The following ST8SIA1 variants were observed in gnomAD, a reference collection of about 807,000 sequenced individuals.
ST8SIA1 encodes the protein ST8 alpha-N-acetyl-neuraminide alpha-2,8-sialyltransferase 1, also known as alpha-N-acetylneuraminide alpha-2,8-sialyltransferase.
In ST8SIA1, 16 loss-of-function variants were observed where a neutral mutation model predicts 35.9. That is an observed-to-expected ratio of 0.45 (90% CI 0.30 to 0.68). ST8SIA1 has a LOEUF of 0.68. Among genes scored for constraint, ST8SIA1 ranks in the 30% least tolerant of loss-of-function variants. The probability of loss-of-function intolerance (pLI) is 0.09; values close to 1 mark genes in which losing one functional copy is unlikely to be tolerated. For missense variants in ST8SIA1, 383 were observed against 453.6 expected (o/e 0.84, Z 1.41); for synonymous variants, 170 against 169.6 (o/e 1.00, Z -0.02).
chr12:22,283,945 A>G (rs1331167961), intron 2 of ST8SIA1, among the ~76,000 whole-genome samples: 1 of 152,248 alleles, frequency 6.6e-6, no homozygotes, highest in Admixed American at 6.5e-5. Context: ...TGTACACCGC[A>G]TTATGTGGCA....
intron 1 of ST8SIA1, among the ~76,000 whole-genome samples, chr12:22,298,848 G>C (rs565196712): frequency 1.3e-5 from 2 of 152,202 alleles, no homozygotes; most frequent in South Asian, 4.2e-4. Flanking sequence ...AAAGTGCAAA[G>C]GTATTGAGAG....
rs531667591 is a variant in ST8SIA1 at position 22,320,219 on chromosome 12, A to G, written c.236+13778T>C. Among the ~76,000 whole-genome samples the G allele has an allele frequency of 2.6e-5, 4 of 152,330 alleles. No individual in the cohort carries two copies. In the East Asian group the frequency reaches 7.7e-4, roughly 29 times the overall value. On this transcript the variant is annotated intron_variant, in intron 1 of 4. Transcript: ENST00000396037. ...GAACTTAGCTGGTGTACAATAACTAAGCTTCATGAAGGTTCAAAGACTTAT... is the reference window on the plus strand; with the variant it reads ...GAACTTAGCTGGTGTACAATAACTAGGCTTCATGAAGGTTCAAAGACTTAT...
chr12:22,301,585 CAATAAG>C (rs1388371008), intron 1 of ST8SIA1, among the ~76,000 whole-genome samples: 1 of 152,106 alleles, frequency 6.6e-6, no homozygotes, highest in African/African-American at 2.4e-5. Context: ...TGCATAAGTT[CAATAAG>C]AATATGTTTT....
chr12:22,210,549 C>T (rs1157162679), intron 4 of ST8SIA1, among the ~76,000 whole-genome samples: 1 of 152,092 alleles, frequency 6.6e-6, no homozygotes, highest in Non-Finnish European at 1.5e-5. Context: ...CTAGAGATAG[C>T]GTCAGACCCC....
chr12:22,302,066 A>C (rs529171224), intron 1 of ST8SIA1, among the ~76,000 whole-genome samples: 4 of 152,330 alleles, frequency 2.6e-5, no homozygotes, highest in African/African-American at 9.6e-5. Context: ...CTTTAGTAAA[A>C]ATAGGAAACT....
At chr12:22,324,225 T>A (rs1866643120) in intron 1 of ST8SIA1, among the ~76,000 whole-genome samples, 1 of 152,174 alleles carries the variant, frequency 6.6e-6, no homozygotes, top group African/African-American at 2.4e-5. Context: ...ATGGAAGAAA[T>A]GCTTGTAGTA....
chr12:22,208,813 A>G (rs1366257593), intron 4 of ST8SIA1, among the ~76,000 whole-genome samples: 2 of 152,194 alleles, frequency 1.3e-5, no homozygotes. Context: ...TGAGTCTAAA[A>G]ATGTACCTAA....
chr12:22,320,485 G>A (rs555248339), intron 1 of ST8SIA1, among the ~76,000 whole-genome samples: 2 of 152,300 alleles, frequency 1.3e-5, no homozygotes, highest in East Asian at 1.9e-4. Flanking sequence ...ACGGAGAGGG[G>A]AGACAAGGGC....
At chr12:22,269,712 T>C (rs1004622835) in intron 2 of ST8SIA1, among the ~76,000 whole-genome samples, 2 of 152,218 alleles carry the variant, frequency 1.3e-5, no homozygotes, top group Non-Finnish European at 2.9e-5. Context: ...TATTCTCTTC[T>C]TTTATATGGA....
At position 22,321,955 on chromosome 12, in the gene ST8SIA1, T is replaced by C. The variant is rs16924898; in HGVS notation, c.236+12042A>G. Among the ~76,000 whole-genome samples, 832 of 152,342 alleles carry C rather than the reference T, an allele frequency of 5.5e-3. 27 individuals are homozygous for C. The East Asian group carries it at 0.1, about 19-fold the overall frequency. ...TCTGTCTCTTTGATTCTACCAGTAATTGAGCTTTGTGTTTCCCCATGGGCT... is the reference window on the plus strand; with the variant it reads ...TCTGTCTCTTTGATTCTACCAGTAACTGAGCTTTGTGTTTCCCCATGGGCT... On this transcript the variant is annotated intron_variant, in intron 1 of 4. Transcript: ENST00000396037.
rs964942471 is a variant in ST8SIA1 at position 22,298,494 on chromosome 12, T to C, written c.237-11201A>G. Among the ~76,000 whole-genome samples, 165 of 152,302 alleles carry C rather than the reference T, an allele frequency of 1.1e-3. 1 individual carries two copies. Among genetic ancestry groups the C allele is most frequent in the African/African-American group, 3.7e-3 (154 of 41,576 alleles). ...ATTGGTAGGGAGAAATCCCCACACA[T>C]TTGGTCACAGAAGTCTGTGTTGATT... On this transcript the variant is annotated intron_variant, in intron 1 of 4. Coordinates refer to ENST00000396037, the MANE Select transcript of ST8SIA1 (RefSeq NM_003034.4).
intron 4 of ST8SIA1, among the ~76,000 whole-genome samples, chr12:22,209,184 C>T (rs1424172837): frequency 2.0e-5 from 3 of 151,988 alleles, no homozygotes; most frequent in South Asian, 4.2e-4. Context: ...ATATTTACAA[C>T]ATACATGACA....
intron 2 of ST8SIA1, among the ~76,000 whole-genome samples, chr12:22,283,510 A>T (rs1866060948): frequency 6.6e-6 from 1 of 152,176 alleles, no homozygotes; most frequent in Non-Finnish European, 1.5e-5. Context: ...AGCTATTCTC[A>T]AAGTGGGAAG....
In ST8SIA1 at chr12:22,274,615, C is replaced by T. The variant is rs367727630; in HGVS notation, c.381+12534G>A. Reference sequence around the variant, plus strand: ...ATTGTGGCTTGACTTTTAAAATGTACGATCTTGTTATTTCAAGATTAGGAT... The same window carrying T: ...ATTGTGGCTTGACTTTTAAAATGTATGATCTTGTTATTTCAAGATTAGGAT... On this transcript the variant is annotated intron_variant, in intron 2 of 4. Coordinates refer to ENST00000396037, the MANE Select transcript of ST8SIA1 (RefSeq NM_003034.4). Among the ~76,000 whole-genome samples the T allele has an allele frequency of 1.5e-4, 23 of 152,222 alleles. No homozygotes were observed. The East Asian group carries it at 3.7e-3, about 24-fold the overall frequency.
At chr12:22,216,683 T>A (rs893843186) in intron 4 of ST8SIA1, among the ~76,000 whole-genome samples, 1 of 152,230 alleles carries the variant, frequency 6.6e-6, no homozygotes. Flanking sequence ...AAGACTAATG[T>A]CCTTTATCTT....
At chr12:22,235,677 T>C (rs1394493610) in intron 4 of ST8SIA1, among the ~76,000 whole-genome samples, 1 of 152,200 alleles carries the variant, frequency 6.6e-6, no homozygotes, top group Non-Finnish European at 1.5e-5. Flanking sequence ...GGGGCACAAA[T>C]GCCTTGGCTG....
chr12:22,256,250 C>T (rs765262849), intron 2 of ST8SIA1, among the ~76,000 whole-genome samples: 45 of 152,182 alleles, frequency 3.0e-4, no homozygotes, highest in Non-Finnish European at 5.4e-4. Context: ...CAGCATGTGA[C>T]TTTCTTTCTG....
chr12:22,255,412 GT>G (rs1434056900), intron 2 of ST8SIA1, 23 bp from the exon 3 acceptor site: 10 of 1,591,216 alleles, frequency 6.3e-6, no homozygotes. Flanking sequence ...AACAAGGCGG[GT>G]TTTCACTGCA....
chr12:22,220,296 A>T (rs1399112492), intron 4 of ST8SIA1, among the ~76,000 whole-genome samples: 2 of 152,232 alleles, frequency 1.3e-5, no homozygotes, highest in African/African-American at 4.8e-5. Flanking sequence ...CACAAAAGTA[A>T]AACAGAAATA....
Sources: allele counts gnomAD v4.1 joint callset (sites outside exome capture counted in the v4.1 genomes callset), GRCh38; gene constraint gnomAD v4.1.1; transcripts MANE v1.5; gene names NCBI Gene and HGNC (gene_info 2026-07-23, HGNC 2026-07-21).